CERT1: variants seen among roughly 807,000 people sequenced by gnomAD.
The protein encoded by CERT1 is ceramide transfer protein.
In CERT1, 31 loss-of-function variants were observed where a neutral mutation model predicts 87.9. The ratio of observed to expected loss-of-function variants is 0.35; its 90% CI spans 0.27 to 0.48. The LOEUF is 0.48. Ranked by LOEUF, CERT1 falls within the 20% of genes least tolerant of loss-of-function variation. The pLI, the probability that CERT1 is intolerant of heterozygous loss-of-function variation, is 0.99. For synonymous variants in CERT1, 289 were observed against 250.9 expected, an observed-to-expected ratio of 1.15 and a Z score of -1.44; for missense variants, 487 against 758.0, an observed-to-expected ratio of 0.64 and a Z score of 4.20.
intron 3 of CERT1, among the ~76,000 whole-genome samples, chr5:75,436,156 C>T (rs1393169206): frequency 6.6e-6 from 1 of 152,182 alleles, no homozygotes; most frequent in African/African-American, 2.4e-5. Context: ...CCTCGGCCTC[C>T]CGAGTAGCTG....
In CERT1 at chr5:75,416,052, A is replaced by C. The variant is rs368502326; in HGVS notation, c.837+824T>G. Among the ~76,000 whole-genome samples, 20 of 152,300 alleles carry C rather than the reference A, an allele frequency of 1.3e-4. No individual in the cohort carries two copies. The East Asian group carries it at 3.5e-3, about 26-fold the overall frequency. ...CATTGCTTTCCTTAGTGTCCCGCTC[A>C]AATTCAAAGGCCTTCAAACTCTGCA... On this transcript the variant is annotated intron_variant, in intron 7 of 16. Transcript: ENST00000643780.
rs1767966296 is a variant in CERT1, at chr5:75,511,164, T to C, written c.44A>G (p.Asp15Gly). 1 of 1,611,846 alleles carries C rather than the reference T, an allele frequency of 6.2e-7. No individual in the cohort carries two copies. ...QSWNSSGSEE[D>G]PETESGPPVE... ...AGGCGGCCCAGACTCCGTCTCTGGA[T>C]CCTCCTCCGAGCCCGACGAGTTCCA... The change falls in exon 1 of 17, where the codon GAT becomes GGT. Residue 15 changes from aspartate to glycine, a missense_variant. By Grantham distance (94) the Asp-to-Gly change is moderately conservative. This residue lies in a region of CERT1 where 173 missense variants were observed against 302.2 expected (regional missense o/e 0.57). Coordinates refer to ENST00000643780, the MANE Select transcript of CERT1 (RefSeq NM_001379029.1).
intron 11 of CERT1, among the ~76,000 whole-genome samples, chr5:75,398,920 A>G (rs192817053): frequency 2.0e-5 from 3 of 152,366 alleles, no homozygotes; most frequent in African/African-American, 7.2e-5. Flanking sequence ...GAGATACTTT[A>G]GCTTAAAAGT....
At chr5:75,371,647 GA>G (rs1203711704) in intron 17 of CERT1, 1 of 152,156 alleles carries the variant, frequency 6.6e-6, no homozygotes, top group East Asian at 1.9e-4. Flanking sequence ...AATTCCAACT[GA>G]AACACTGTAC....
At chr5:75,508,067 T>TA (rs1767738152) in intron 1 of CERT1, among the ~76,000 whole-genome samples, 1 of 152,220 alleles carries the variant, frequency 6.6e-6, no homozygotes, top group East Asian at 1.9e-4. Flanking sequence ...CTACTTTTCT[T>TA]ACATTGATCG....
intron 2 of CERT1, among the ~76,000 whole-genome samples, chr5:75,464,607 G>A (rs571855314): frequency 2.0e-5 from 3 of 152,242 alleles, no homozygotes; most frequent in Middle Eastern, 3.4e-3. Context: ...TGGACACAGC[G>A]TCTCACTTTG....
intron 2 of CERT1, among the ~76,000 whole-genome samples, chr5:75,467,396 C>T (rs575685764): frequency 4.5e-4 from 69 of 152,202 alleles, no homozygotes; most frequent in Middle Eastern, 3.4e-3. Context: ...AATCCTAGCA[C>T]TTTGGGAGGC....
At chr5:75,401,037 C>T (rs1311358572) in intron 9 of CERT1, 4 of 152,108 alleles carry the variant, frequency 2.6e-5, no homozygotes, top group African/African-American at 9.7e-5. Context: ...GTGCAATATA[C>T]ACTGAATATG....
At chr5:75,465,872 C>G (rs542546845) in intron 2 of CERT1, among the ~76,000 whole-genome samples, 1 of 152,106 alleles carries the variant, frequency 6.6e-6, no homozygotes. Context: ...AGAAGGACAG[C>G]GCAACATTCT....
intron 8 of CERT1, among the ~76,000 whole-genome samples, chr5:75,406,644 A>G: frequency 6.6e-6 from 1 of 151,730 alleles, no homozygotes; most frequent in East Asian, 1.9e-4. Flanking sequence ...GGTTCAAGCA[A>G]TTCTCCTGCC....
intron 3 of CERT1, among the ~76,000 whole-genome samples, chr5:75,448,613 T>C (rs1489571548): frequency 2.6e-5 from 4 of 152,152 alleles, no homozygotes; most frequent in Non-Finnish European, 4.4e-5. Context: ...GCAAGCAAAA[T>C]TGGAAAACAG....
In CERT1 at chr5:75,440,274, T is replaced by C. The variant is rs181984091; in HGVS notation, c.349-13796A>G. ...CAAATAAATTTTAAAACATTTATTT[T>C]CTAATAGTATTAAACAGGATTTTTA... On this transcript the variant is annotated intron_variant, in intron 3 of 16. Coordinates refer to ENST00000643780, the MANE Select transcript of CERT1 (RefSeq NM_001379029.1). 3.3e-5 allele frequency among the ~76,000 whole-genome samples: 5 copies of C among 152,230 alleles called. No individual in the cohort carries two copies. In the East Asian group the frequency reaches 9.6e-4, roughly 29 times the overall value.
intron 14 of CERT1, among the ~76,000 whole-genome samples, chr5:75,383,351 T>A (rs1761662905): frequency 6.6e-6 from 1 of 152,144 alleles, no homozygotes; most frequent in Non-Finnish European, 1.5e-5. Flanking sequence ...ACAACTTATA[T>A]GACCCTCCCT....
intron 11 of CERT1, among the ~76,000 whole-genome samples, chr5:75,390,319 CCTTTA>C (rs1380241349): frequency 1.3e-5 from 2 of 152,114 alleles, no homozygotes; most frequent in Non-Finnish European, 2.9e-5. Context: ...AATAATCAAA[CCTTTA>C]TTTATTTGAT....
At chr5:75,417,851 C>G (rs1218042259) in intron 6 of CERT1, among the ~76,000 whole-genome samples, 1 of 152,140 alleles carries the variant, frequency 6.6e-6, no homozygotes, top group Non-Finnish European at 1.5e-5. Flanking sequence ...GAAGTAACCT[C>G]AAAGCTCATT....
At chr5:75,384,442 TCA>T (rs1761706352) in intron 14 of CERT1, among the ~76,000 whole-genome samples, 198 bp downstream of exon 14, 1 of 152,242 alleles carries the variant, frequency 6.6e-6, no homozygotes, top group Admixed American at 6.5e-5. Flanking sequence ...ATTGTATCTC[TCA>T]GATTCTTGCC....
intron 2 of CERT1, among the ~76,000 whole-genome samples, chr5:75,480,438 T>C (rs541984097): frequency 6.6e-6 from 1 of 152,136 alleles, no homozygotes; most frequent in Non-Finnish European, 1.5e-5. Flanking sequence ...AAACCTCTAA[T>C]AATAAAATCA....
At chr5:75,419,878 G>A (rs890060917) in intron 5 of CERT1, among the ~76,000 whole-genome samples, 4 of 152,050 alleles carry the variant, frequency 2.6e-5, no homozygotes, top group Admixed American at 2.0e-4. Context: ...GCTCCCTTCC[G>A]TGGGGCCATT....
At chr5:75,394,797 T>C (rs1213343320) in intron 11 of CERT1, among the ~76,000 whole-genome samples, 8 of 152,284 alleles carry the variant, frequency 5.3e-5, no homozygotes, top group Admixed American at 1.3e-4. Context: ...CCCACAATTA[T>C]GCTTCTAGGA....
Sources: gnomAD v4.1 joint callset for allele counts (sites outside exome capture counted in the v4.1 genomes callset) on GRCh38, gnomAD v4.1.1 for gene constraint, gnomAD v4.1.1 regional missense constraint, MANE v1.5 for transcripts, NCBI Gene and HGNC (gene_info 2026-07-23, HGNC 2026-07-21) for gene names.